Variants in MRE11 observed in about 807,000 individuals in gnomAD.
MRE11 encodes the protein MRE11 double strand break repair nuclease.
In MRE11, 62 loss-of-function variants were observed where a neutral mutation model predicts 91.7. That is an observed-to-expected ratio of 0.68 (90% CI 0.55 to 0.84). MRE11 has a LOEUF of 0.84. Ranked by LOEUF, MRE11 falls within the 40% of genes least tolerant of loss-of-function variation. The pLI, the probability that MRE11 is intolerant of heterozygous loss-of-function variation, is 0.00. For synonymous variants in MRE11, 273 were observed against 271.4 expected (o/e 1.01, Z -0.06); for missense variants, 796 against 852.9 (o/e 0.93, Z 0.83).
chr11:94,427,581 C>G (rs1284520231), intron 19 of MRE11, among the ~76,000 whole-genome samples: 2 of 151,996 alleles, frequency 1.3e-5, no homozygotes, highest in Non-Finnish European at 2.9e-5. Flanking sequence ...GACATCCAAA[C>G]AGGAAAAGAA....
chr11:94,491,079 T>C (rs3758784), intron 2 of MRE11, 114 bp from the exon 3 acceptor site: 1 of 720,980 alleles, frequency 1.4e-6, no homozygotes, highest in East Asian at 2.7e-5. Flanking sequence ...TAAAATCATT[T>C]TTTTTAGCCT....
chr11:94,470,665 C>A lies in MRE11; in HGVS notation c.846-23G>T, dbSNP rs780964088. 1.2e-5 allele frequency: 19 copies of A among 1,611,626 alleles called. No homozygotes were observed. The Admixed American group carries it at 2.2e-4, about 18-fold the overall frequency. Reference sequence around the variant, plus strand: ...TGTCTGAAGTGGAGAGAAATGAACACCGAGTCACAGTGTAAATTTCCTCAG... The same window carrying A: ...TGTCTGAAGTGGAGAGAAATGAACAACGAGTCACAGTGTAAATTTCCTCAG... On this transcript the variant is annotated intron_variant, in intron 8 of 19. Transcript: ENST00000323929.
At chr11:94,436,378 A>G (rs976760946) in intron 17 of MRE11, among the ~76,000 whole-genome samples, 2 of 152,182 alleles carry the variant, frequency 1.3e-5, no homozygotes, top group Non-Finnish European at 2.9e-5. Flanking sequence ...CTACCACCCA[A>G]AATACTATTT....
Position 94,476,450 on chromosome 11 carries a change from T to C in MRE11, c.545-47A>G, listed in dbSNP as rs752971480. 22 of 1,274,894 alleles carry C rather than the reference T, an allele frequency of 1.7e-5. No homozygotes were observed. In the East Asian group the frequency reaches 2.1e-4, roughly 12 times the overall value. 79.0% of individuals were successfully genotyped at this position (1,274,894 alleles called of 1,614,324 possible). A position where few individuals can be genotyped will look rare whatever the true frequency, so the allele number is the denominator to read the frequency against. On this transcript the variant is annotated intron_variant, in intron 6 of 19. Transcript: ENST00000323929. ...TTTTAAATTGTTTTCTTACTTCGGC[T>C]TAAAAAATGAATCTATTTTGCTTCT... is the stretch of plus-strand genomic sequence containing the variant.
At chr11:94,430,050 T>C in intron 18 of MRE11, 64 bp from the exon 19 acceptor site, 1 of 1,545,214 alleles carries the variant, frequency 6.5e-7, no homozygotes. Flanking sequence ...TGTGCCTTTC[T>C]GGCTAAGTTT....
chr11:94,458,916 T>A (rs767153481), intron 13 of MRE11, among the ~76,000 whole-genome samples: 12 of 152,196 alleles, frequency 7.9e-5, no homozygotes, highest in Non-Finnish European at 1.5e-4. Context: ...ATTAAACTTT[T>A]TTCTGCCCAC....
intron 16 of MRE11, among the ~76,000 whole-genome samples, chr11:94,439,475 T>C (rs1434734321): frequency 6.6e-6 from 1 of 152,252 alleles, no homozygotes; most frequent in Admixed American, 6.5e-5. Context: ...CATAATCTTA[T>C]TGCAAAACAC....
upstream of MRE11, chr11:94,498,204 G>A (rs1479670740): frequency 6.2e-7 from 1 of 1,614,134 alleles, no homozygotes; most frequent in Non-Finnish European, 8.5e-7. Flanking sequence ...ATTGCACAGG[G>A]GGCCGATGTT....
At chr11:94,444,658 G>A (rs887465978) in intron 16 of MRE11, among the ~76,000 whole-genome samples, 3 of 152,154 alleles carry the variant, frequency 2.0e-5, no homozygotes, top group East Asian at 1.9e-4. Context: ...TTTCACCTGG[G>A]TTGCTGTTAA....
the MRE11 span, among the ~76,000 whole-genome samples, chr11:94,510,608 T>C: frequency 6.6e-6 from 1 of 152,222 alleles, no homozygotes; most frequent in Non-Finnish European, 1.5e-5. Flanking sequence ...TGAATATAAG[T>C]CATTTAGAAT....
chr11:94,432,793 G>T (rs963896510), intron 18 of MRE11, among the ~76,000 whole-genome samples: 6 of 152,172 alleles, frequency 3.9e-5, no homozygotes, highest in Non-Finnish European at 8.8e-5. Context: ...GAGACAGAGC[G>T]AGACTCCGTC....
At chr11:94,427,293 G>A (rs1018041583) in intron 19 of MRE11, among the ~76,000 whole-genome samples, 3 of 151,902 alleles carry the variant, frequency 2.0e-5, no homozygotes, top group Non-Finnish European at 2.9e-5. Flanking sequence ...AAACAAAAAC[G>A]ATATGATCAC....
intron 19 of MRE11, among the ~76,000 whole-genome samples, chr11:94,422,718 AT>A (rs960911730): frequency 9.0e-4 from 132 of 146,428 alleles, no homozygotes; most frequent in African/African-American, 8.9e-4. Context: ...CAATGAAACT[AT>A]TTTTTTTTTT....
At chr11:94,510,485 C>T in the MRE11 span, among the ~76,000 whole-genome samples, 2 of 152,282 alleles carry the variant, frequency 1.3e-5, no homozygotes, top group East Asian at 3.9e-4. Flanking sequence ...TTTCCCACTG[C>T]TTCTTGATAA....
chr11:94,503,312 A>G, the MRE11 span, among the ~76,000 whole-genome samples: 28 of 152,296 alleles, frequency 1.8e-4, no homozygotes, highest in Non-Finnish European at 3.2e-4. Flanking sequence ...CATGTAAGAG[A>G]ACTCATGCAA....
At chr11:94,472,403 T>G (rs13447629) in intron 7 of MRE11, among the ~76,000 whole-genome samples, 2 of 152,194 alleles carry the variant, frequency 1.3e-5, no homozygotes, top group South Asian at 4.1e-4. Flanking sequence ...AGTGTTCACA[T>G]AGTTTAACCA....
rs150080172 is a variant in MRE11, at chr11:94,445,569, A to G, written c.1867+241T>C. On this transcript the variant is annotated intron_variant, in intron 16 of 19. Coordinates refer to ENST00000323929, the MANE Select transcript of MRE11 (RefSeq NM_005591.4). Reference sequence around the variant, plus strand: ...GTGATCTGCCTGTCTCGGCCTCCCAAAGTGCTGGGATTACAGGTGTGATCC... The same window carrying G: ...GTGATCTGCCTGTCTCGGCCTCCCAGAGTGCTGGGATTACAGGTGTGATCC... Among the ~76,000 whole-genome samples, 884 of 152,288 alleles carry G rather than the reference A, an allele frequency of 5.8e-3. 5 individuals are homozygous for G. Among genetic ancestry groups the G allele is most frequent in the African/African-American group, 0.019 (801 of 41,562 alleles).
chr11:94,420,894 T>C (rs1591622499), intron 19 of MRE11, among the ~76,000 whole-genome samples: 1 of 152,126 alleles, frequency 6.6e-6, no homozygotes, highest in African/African-American at 2.4e-5. Context: ...TGGCCGGGTG[T>C]GGTGGCGGGC....
chr11:94,507,367 TG>T, the MRE11 span, among the ~76,000 whole-genome samples: 1 of 152,246 alleles, frequency 6.6e-6, no homozygotes, highest in African/African-American at 2.4e-5. Context: ...TACATGATAT[TG>T]TTAACTTTTG....
Sources: allele counts gnomAD v4.1 joint callset (sites outside exome capture counted in the v4.1 genomes callset), GRCh38; gene constraint gnomAD v4.1.1; transcripts MANE v1.5; gene names NCBI Gene and HGNC (gene_info 2026-07-23, HGNC 2026-07-21).